SDSL: variants seen among roughly 807,000 people sequenced by gnomAD.
The protein encoded by SDSL is serine dehydratase like.
In SDSL, 26 loss-of-function variants were observed where a neutral mutation model predicts 27.6. The ratio of observed to expected loss-of-function variants is 0.94; its 90% confidence interval spans 0.69 to 1.31. SDSL has a LOEUF of 1.31. SDSL is among the 50% of genes most tolerant of loss of function. The pLI, the probability that SDSL is intolerant of heterozygous loss-of-function variation, is 0.00. For synonymous variants in SDSL, 196 were observed against 180.6 expected (o/e 1.09, Z -0.69); for missense variants, 431 against 423.5 (o/e 1.02, Z -0.16).
At chr12:113,432,209 CTTCTTTCTTTCTTTCTTTCTTTCT>C (rs71086169) in intron 4 of SDSL, among the ~76,000 whole-genome samples, 9,826 of 102,596 alleles carry the variant, frequency 0.096, 591 homozygotes, top group Middle Eastern at 0.12. Context: ...TGTTTGTTTG[CTTCTTTCTTTCTTTCTTTCTTTCT>C]TTCTTTCTTT....
At chr12:113,423,241 T>C (rs1297870744) in intron 1 of SDSL, among the ~76,000 whole-genome samples, 1 of 152,216 alleles carries the variant, frequency 6.6e-6, no homozygotes, top group Non-Finnish European at 1.5e-5. Flanking sequence ...CAATAAATAT[T>C]AAATGCATGC....
At chr12:113,435,903 G>A (rs188829633) in intron 6 of SDSL, among the ~76,000 whole-genome samples, 4 of 152,270 alleles carry the variant, frequency 2.6e-5, no homozygotes, top group Admixed American at 2.6e-4. Flanking sequence ...GATCACTTGA[G>A]GTCAGGAGTT....
At position 113,431,495 on chromosome 12, in the gene SDSL, AT is replaced by A. The variant is rs533995249; in HGVS notation, c.354+2197del. Among the ~76,000 whole-genome samples, 249 of 151,902 alleles carry A rather than the reference AT, an allele frequency of 1.6e-3. 1 individual carries two copies. The highest frequency in any genetic ancestry group is 5.9e-3 in the African/African-American group (243 of 41,474). On this transcript the variant is annotated intron_variant, in intron 4 of 7. Transcript: ENST00000403593. ...AGGGATACATGTGCAGGTTTGTTACATGGGTATATTTCATGATGGAGAGGTT... is the reference window on the plus strand; with the variant it reads ...AGGGATACATGTGCAGGTTTGTTACAGGGTATATTTCATGATGGAGAGGTT...
chr12:113,429,331 G>A (rs757511689), intron 4 of SDSL, 32 bp downstream of exon 4: 6 of 1,587,706 alleles, frequency 3.8e-6, no homozygotes, highest in Admixed American at 3.4e-5. Flanking sequence ...GAACCATCTG[G>A]GTGGGCTGCT....
At chr12:113,433,483 G>T (rs1191221878) in intron 4 of SDSL, among the ~76,000 whole-genome samples, 1 of 152,174 alleles carries the variant, frequency 6.6e-6, no homozygotes, top group East Asian at 1.9e-4. Context: ...GGGTGCATGT[G>T]GTTTATTTGG....
chr12:113,429,022 C>T (rs1470163301), intron 3 of SDSL, 138 bp from the exon 4 acceptor site: 7 of 1,012,372 alleles, frequency 6.9e-6, no homozygotes, highest in Non-Finnish European at 8.5e-6. Context: ...ATGTGTCCCC[C>T]TCTTGAGTGG....
At chr12:113,433,298 G>C (rs1957956249) in intron 4 of SDSL, among the ~76,000 whole-genome samples, 1 of 152,228 alleles carries the variant, frequency 6.6e-6, no homozygotes, top group Non-Finnish European at 1.5e-5. Context: ...CTGAGGATGA[G>C]CAGGGGCTAG....
In SDSL at chr12:113,431,116, T is replaced by C. The variant is rs182380315; in HGVS notation, c.354+1817T>C. On this transcript the variant is annotated intron_variant, in intron 4 of 7. Transcript: ENST00000403593. ...GGAGAAAAGGGAGGGAATGATCTGATTGTGAACAGAGGAAAAGCTGTGGGT... is the reference window on the plus strand; with the variant it reads ...GGAGAAAAGGGAGGGAATGATCTGACTGTGAACAGAGGAAAAGCTGTGGGT... Among the ~76,000 whole-genome samples, 9 of 152,216 alleles carry C rather than the reference T, an allele frequency of 5.9e-5. No individual in the cohort carries two copies. The East Asian group carries it at 7.7e-4, about 13-fold the overall frequency.
At chr12:113,434,463 C>A (rs1370123178) in intron 5 of SDSL, among the ~76,000 whole-genome samples, 1 of 152,216 alleles carries the variant, frequency 6.6e-6, no homozygotes, top group Non-Finnish European at 1.5e-5. Context: ...AGTACCAAGT[C>A]TCCTTTACTG....
At position 113,428,114 on chromosome 12, in the gene SDSL, C is replaced by T. The variant is rs144727433; in HGVS notation, c.132C>T (p.Ser44=). 213 of 1,613,440 alleles carry T rather than the reference C, an allele frequency of 1.3e-4. No individual in the cohort carries two copies. Among genetic ancestry groups the T allele is most frequent in the Non-Finnish European group, 1.6e-4 (187 of 1,179,788 alleles). ...TCAAGTGTGAGAATGTGCAGCCCAG[C>T]GGCTCCTTCAAGATTCGGGGCATTG... ...VFLKCENVQP[S]GSFKIRGIGH... is the part of the protein sequence containing the mutation. Residue 44 remains serine (S), a synonymous_variant, in exon 2 of 8, where the codon AGC becomes AGT. Coordinates refer to ENST00000403593, the MANE Select transcript of SDSL (RefSeq NM_001304993.2).
rs376833694 is a variant in SDSL, at chr12:113,438,000, T to C, written c.911T>C (p.Val304Ala). ...EGCLPPSLTS[V>A]VVIVCGGNNI... ...TGCCTGCCCCCTTCCCTGACTTCAG[T>C]TGTGGTAATCGTGTGTGGAGGCAAC... Residue 304 changes from valine to alanine, a missense_variant, in exon 8 of 8, where the codon GTT becomes GCT. Transcript: ENST00000403593. The C allele has an allele frequency of 1.3e-5, 21 of 1,614,124 alleles. No homozygotes were observed. Among genetic ancestry groups the C allele is most frequent in the Middle Eastern group, 1.6e-4 (1 of 6,062 alleles).
chr12:113,427,956 C>T lies in SDSL; in HGVS notation c.-21-6C>T, dbSNP rs1957869127. The T allele has an allele frequency of 6.3e-7, 1 of 1,595,000 alleles. No individual in the cohort carries two copies. The highest frequency in any genetic ancestry group is 8.5e-7 in the Non-Finnish European group (1 of 1,170,552). On this transcript the variant is annotated splice_region_variant and splice_polypyrimidine_tract_variant and intron_variant, in intron 1 of 7. Transcript: ENST00000403593. ...GCCTGGGTGGTGACTTTGTGTCCTC[C>T]TGCAGGCTGTCTACCTGGTCTCCAG...
At chr12:113,423,676 AG>A (rs1283579231) in intron 1 of SDSL, among the ~76,000 whole-genome samples, 3 of 152,182 alleles carry the variant, frequency 2.0e-5, no homozygotes, top group Admixed American at 1.3e-4. Flanking sequence ...CGGGACTTCA[AG>A]GTTACAGTGA....
chr12:113,435,297 C>T, intron 5 of SDSL, 32 bp from the exon 6 acceptor site: 1 of 1,444,502 alleles, frequency 6.9e-7, no homozygotes, highest in East Asian at 2.5e-5. Context: ...TCCTCCCTCA[C>T]TCTGCTTCTC....
At chr12:113,434,250 G>A (rs1957964710) in intron 5 of SDSL, 28 bp downstream of exon 5, 2 of 1,534,644 alleles carry the variant, frequency 1.3e-6, no homozygotes, top group East Asian at 4.5e-5. Flanking sequence ...CTCCCCAGGA[G>A]TCCAGAGCTG....
chr12:113,432,713 T>C (rs980122308), intron 4 of SDSL, among the ~76,000 whole-genome samples: 6 of 152,342 alleles, frequency 3.9e-5, no homozygotes, highest in Non-Finnish European at 8.8e-5. Context: ...CTCGTTCCCA[T>C]CTTTGTGCCC....
chr12:113,436,947 T>G, intron 7 of SDSL, 72 bp downstream of exon 7: 5 of 1,397,672 alleles, frequency 3.6e-6, no homozygotes, highest in Non-Finnish European at 4.7e-6. Context: ...AAGAGTGTGT[T>G]CTGTCTTATC....
In SDSL at chr12:113,434,182, G is replaced by A. The variant is rs751291797; in HGVS notation, c.403G>A (p.Gly135Ser). 40 of 1,613,590 alleles carry A rather than the reference G, an allele frequency of 2.5e-5. No individual in the cohort carries two copies. Among genetic ancestry groups the A allele is most frequent in the Admixed American group, 5.0e-5 (3 of 59,970 alleles). The change falls in exon 5 of 8, where the codon GGC becomes AGC. Residue 135 changes from glycine to serine, a missense_variant. Gly to Ser is a moderately conservative substitution (Grantham distance 56, BLOSUM62 0). Transcript: ENST00000403593. ...GGCGCAAGAGTTGGCCAAGAGGGAC[G>A]GCTGGGAGAATGTCCCCCCGTTTGA... ...LRAQELAKRDGWENVPPFDHP... is the reference protein window; with the variant it reads ...LRAQELAKRDSWENVPPFDHP...
chr12:113,437,017 G>C, intron 7 of SDSL, 142 bp downstream of exon 7: 1 of 762,388 alleles, frequency 1.3e-6, no homozygotes, highest in South Asian at 2.6e-5. Flanking sequence ...AGTGCACGTC[G>C]AGTAGATGGA....
Sources: allele counts gnomAD v4.1 joint callset (sites outside exome capture counted in the v4.1 genomes callset), GRCh38; gene constraint gnomAD v4.1.1; transcripts MANE v1.5; gene names NCBI Gene and HGNC (gene_info 2026-07-23, HGNC 2026-07-21).